ANGPT1: variants seen among roughly 807,000 people sequenced by gnomAD.
ANGPT1 encodes angiopoietin-1.
In ANGPT1, 17 loss-of-function variants were observed where a neutral mutation model predicts 62.2. The observed-to-expected ratio is 0.27, with a 90% CI of 0.19 to 0.41. The LOEUF is 0.41. Among genes scored for constraint, ANGPT1 ranks in the 10% least tolerant of loss-of-function variants. ANGPT1 has a pLI of 1.00. For synonymous variants in ANGPT1, 199 were observed against 198.9 expected, an observed-to-expected ratio of 1.00 and a Z score of 0.00; for missense variants, 478 against 594.9, an observed-to-expected ratio of 0.80 and a Z score of 2.04.
At chr8:107,438,328 C>T (rs1811384201) in intron 1 of ANGPT1, among the ~76,000 whole-genome samples, 1 of 151,954 alleles carries the variant, frequency 6.6e-6, no homozygotes, top group South Asian at 2.1e-4. Flanking sequence ...TCACCTCCAT[C>T]TTTATTAGTC....
At chr8:107,459,527 AC>A (rs1812010784) in intron 1 of ANGPT1, among the ~76,000 whole-genome samples, 1 of 140,398 alleles carries the variant, frequency 7.1e-6, no homozygotes, top group Admixed American at 7.1e-5. Flanking sequence ...AACAACAACA[AC>A]AAAACAAGTA....
chr8:107,297,562 A>G (rs532755344), intron 5 of ANGPT1, among the ~76,000 whole-genome samples: 144 of 144,686 alleles, frequency 1.0e-3, no homozygotes, highest in Non-Finnish European at 1.9e-3. Flanking sequence ...ATTTAAATTT[A>G]ATATACTATA....
chr8:107,331,866 C>T (rs918754133), intron 3 of ANGPT1, among the ~76,000 whole-genome samples: 1 of 152,094 alleles, frequency 6.6e-6, no homozygotes, highest in Admixed American at 6.6e-5. Context: ...TCAAGAAAGC[C>T]CGTGTGCTCC....
At chr8:107,316,033 T>C (rs920368455) in intron 4 of ANGPT1, among the ~76,000 whole-genome samples, 3 of 152,174 alleles carry the variant, frequency 2.0e-5, no homozygotes, top group African/African-American at 7.2e-5. Context: ...CCTTCCAATC[T>C]ATTTCATCTC....
rs545093265 is a variant in ANGPT1, at chr8:107,296,182, G to A, written c.937-2145C>T. On this transcript the variant is annotated intron_variant, in intron 5 of 8. Transcript: ENST00000517746. The stretch of plus-strand genomic sequence containing the variant: ...AAGAAAAAGGTGGAAACAGATGTGT[G>A]TGGCAGGGAGTGAGAAGGGTCAAAG... 2.0e-5 allele frequency among the ~76,000 whole-genome samples: 3 copies of A among 152,242 alleles called. No individual in the cohort carries two copies. In the South Asian group the frequency reaches 6.2e-4, roughly 32 times the overall value.
At chr8:107,347,450 G>A (rs1024303975) in intron 1 of ANGPT1, among the ~76,000 whole-genome samples, 3 of 152,096 alleles carry the variant, frequency 2.0e-5, no homozygotes, top group African/African-American at 7.2e-5. Context: ...TAGAATCAGA[G>A]AGGCCAGTGA....
intron 1 of ANGPT1, among the ~76,000 whole-genome samples, chr8:107,482,811 C>G (rs372685532): frequency 6.6e-6 from 1 of 152,040 alleles, no homozygotes; most frequent in East Asian, 1.9e-4. Flanking sequence ...TTTTTAAACT[C>G]GATCTTCCTT....
chr8:107,458,348 T>C (rs1226061855), intron 1 of ANGPT1, among the ~76,000 whole-genome samples: 3 of 152,158 alleles, frequency 2.0e-5, no homozygotes, highest in Non-Finnish European at 4.4e-5. Context: ...TAAATTCAGC[T>C]TGTGATATTA....
At chr8:107,493,682 T>C (rs1199346947) in intron 1 of ANGPT1, among the ~76,000 whole-genome samples, 2 of 150,490 alleles carry the variant, frequency 1.3e-5, no homozygotes, top group Non-Finnish European at 3.0e-5. Flanking sequence ...ATTTAACACA[T>C]ATTTATTGCA....
At chr8:107,262,449 G>C (rs1014738302) in intron 8 of ANGPT1, among the ~76,000 whole-genome samples, 4 of 152,166 alleles carry the variant, frequency 2.6e-5, no homozygotes, top group African/African-American at 9.7e-5. Context: ...GGGATGAAAT[G>C]GCAAATGCTA....
chr8:107,466,120 T>C (rs1219279439), intron 1 of ANGPT1, among the ~76,000 whole-genome samples: 3 of 152,162 alleles, frequency 2.0e-5, no homozygotes, highest in Non-Finnish European at 2.9e-5. Context: ...CGGAAGAAGA[T>C]GAAATAAAAG....
chr8:107,439,592 A>C (rs1811419710), intron 1 of ANGPT1, among the ~76,000 whole-genome samples: 1 of 152,218 alleles, frequency 6.6e-6, no homozygotes, highest in Admixed American at 6.5e-5. Flanking sequence ...CCAATGCTAA[A>C]CCAATTCCTG....
intron 4 of ANGPT1, among the ~76,000 whole-genome samples, chr8:107,312,206 G>A (rs1814887734): frequency 6.6e-6 from 1 of 152,160 alleles, no homozygotes; most frequent in African/African-American, 2.4e-5. Context: ...ACCCTGTTGG[G>A]CAGTTACGAA....
intron 3 of ANGPT1, among the ~76,000 whole-genome samples, chr8:107,331,869 T>C (rs1463726549): frequency 6.6e-6 from 1 of 152,146 alleles, no homozygotes; most frequent in African/African-American, 2.4e-5. Context: ...AGAAAGCCCG[T>C]GTGCTCCGTC....
At chr8:107,420,392 A>T (rs1346989068) in intron 1 of ANGPT1, among the ~76,000 whole-genome samples, 3 of 152,192 alleles carry the variant, frequency 2.0e-5, no homozygotes, top group African/African-American at 2.4e-5. Context: ...TCTTAGGAAA[A>T]AAACAACAAA....
chr8:107,468,869 CT>C (rs1259705049), intron 1 of ANGPT1, among the ~76,000 whole-genome samples: 5 of 151,978 alleles, frequency 3.3e-5, no homozygotes, highest in African/African-American at 1.2e-4. Flanking sequence ...TTTTCCTCCC[CT>C]GTTCTTGTTA....
intron 4 of ANGPT1, among the ~76,000 whole-genome samples, chr8:107,320,755 T>A (rs117622256): frequency 0.01 from 1,542 of 152,200 alleles, 23 homozygotes; most frequent in Non-Finnish European, 0.013. Flanking sequence ...CTCGAGGTAA[T>A]GGAGTGTAAT....
intron 1 of ANGPT1, among the ~76,000 whole-genome samples, chr8:107,414,344 A>G (rs1586302157): frequency 6.6e-6 from 1 of 152,206 alleles, no homozygotes; most frequent in East Asian, 1.9e-4. Context: ...AATGTTCTCA[A>G]TACAAAGGAA....
At chr8:107,387,982 A>C (rs989703482) in intron 1 of ANGPT1, among the ~76,000 whole-genome samples, 2 of 152,118 alleles carry the variant, frequency 1.3e-5, no homozygotes, top group Non-Finnish European at 2.9e-5. Flanking sequence ...TGGTCGACCT[A>C]TTTAAGAGTA....
Sources: gnomAD v4.1 joint callset for allele counts (sites outside exome capture counted in the v4.1 genomes callset) on GRCh38, gnomAD v4.1.1 for gene constraint, MANE v1.5 for transcripts, NCBI Gene and HGNC (gene_info 2026-07-23, HGNC 2026-07-21) for gene names.